TSHZ1: variants seen among roughly 807,000 people sequenced by gnomAD.
TSHZ1 encodes the protein teashirt zinc finger homeobox 1.
A neutral mutation model predicts 67.1 loss-of-function variants in TSHZ1; 12 were observed. That is an observed-to-expected ratio of 0.18 (90% confidence interval 0.11 to 0.29). The LOEUF (loss-of-function observed/expected upper bound fraction) is 0.29, where lower values mean the gene tolerates loss of function less well. TSHZ1 is among the 10% of genes least tolerant of loss of function. TSHZ1 has a pLI of 1.00. For missense variants in TSHZ1, 1,305 were observed against 1,413.9 expected (o/e 0.92, Z 1.23); for synonymous variants, 632 against 622.4 (o/e 1.02, Z -0.23).
intron 1 of TSHZ1, among the ~76,000 whole-genome samples, chr18:75,255,396 T>C (rs1047330806): frequency 1.3e-4 from 20 of 152,184 alleles, no homozygotes; most frequent in South Asian, 4.1e-4. Context: ...TTTATCTCAA[T>C]AGGAAACAAA....
At chr18:75,250,933 A>G (rs1599040592) in intron 1 of TSHZ1, among the ~76,000 whole-genome samples, 1 of 152,162 alleles carries the variant, frequency 6.6e-6, no homozygotes, top group African/African-American at 2.4e-5. Context: ...TGTGCCCTCA[A>G]GATGTACCAG....
At chr18:75,226,530 A>G (rs1252516183) in intron 1 of TSHZ1, among the ~76,000 whole-genome samples, 1 of 151,684 alleles carries the variant, frequency 6.6e-6, no homozygotes, top group East Asian at 1.9e-4. Flanking sequence ...TACTGAGTTA[A>G]TTTATGTTAA....
chr18:75,241,990 C>G (rs1391448472), intron 1 of TSHZ1, among the ~76,000 whole-genome samples: 4 of 149,798 alleles, frequency 2.7e-5, no homozygotes, highest in East Asian at 2.0e-4. Context: ...TGCAAACACC[C>G]TATTTCCAAA....
At chr18:75,264,071 A>G (rs1259190566) in intron 1 of TSHZ1, among the ~76,000 whole-genome samples, 2 of 152,200 alleles carry the variant, frequency 1.3e-5, no homozygotes, top group Non-Finnish European at 1.5e-5. Flanking sequence ...TCTCTTTGCT[A>G]TAAATGCAGC....
At chr18:75,272,982 C>T (rs8085298) in intron 1 of TSHZ1, among the ~76,000 whole-genome samples, 21,986 of 152,158 alleles carry the variant, frequency 0.14, 1,967 homozygotes, top group Middle Eastern at 0.19. Flanking sequence ...ATGAAGGGGA[C>T]ACACCTTCTG....
At chr18:75,239,460 C>CTT (rs151115254) in intron 1 of TSHZ1, among the ~76,000 whole-genome samples, 5,953 of 152,154 alleles carry the variant, frequency 0.039, 171 homozygotes, top group African/African-American at 0.082. Flanking sequence ...TGAAAACATC[C>CTT]ACCCTCTTGA....
chr18:75,218,812 T>C lies in TSHZ1; in HGVS notation c.40+6896T>C, dbSNP rs1179577574. Among the ~76,000 whole-genome samples the C allele has an allele frequency of 2.6e-5, 4 of 152,368 alleles. No homozygotes were observed. In the East Asian group the frequency reaches 7.7e-4, roughly 29 times the overall value. The stretch of plus-strand genomic sequence containing the variant: ...AACAGCAAGTGTTTTATTGGAACTT[T>C]CTTAGGGATGAGGCGGAGCCTCCCA... On this transcript the variant is annotated intron_variant, in intron 1 of 1. Coordinates refer to ENST00000580243, the MANE Select transcript of TSHZ1 (RefSeq NM_001308210.2).
rs1484204945 is a variant in TSHZ1, at chr18:75,286,909, A to G, written c.1502A>G (p.Glu501Gly). ...AGSTTSEEKK[E>G]PEKEKPPVAG... is the part of the protein sequence containing the mutation. ...TCCACGACTTCTGAAGAAAAGAAAG[A>G]GCCAGAGAAGGAGAAGCCGCCTGTG... Residue 501 changes from glutamate (E) to glycine (G), a missense_variant, in exon 2 of 2, where the codon GAG becomes GGG. Glu to Gly is a moderately conservative substitution (Grantham distance 98). Coordinates refer to ENST00000580243, the MANE Select transcript of TSHZ1 (RefSeq NM_001308210.2). The surrounding 1 kb of genome is among the most constrained non-coding windows in gnomAD (Gnocchi z 5.1). 1.9e-6 allele frequency: 3 copies of G among 1,614,176 alleles called. No individual in the cohort carries two copies. The highest frequency in any genetic ancestry group is 2.5e-6 in the Non-Finnish European group (3 of 1,180,026).
In TSHZ1 at chr18:75,250,080, C is replaced by T. The variant is rs1270409268; in HGVS notation, c.41-35368C>T. Among the ~76,000 whole-genome samples the T allele has an allele frequency of 2.0e-5, 3 of 151,170 alleles. No individual in the cohort carries two copies. In the East Asian group the frequency reaches 5.8e-4, roughly 29 times the overall value. On this transcript the variant is annotated intron_variant, in intron 1 of 1. Coordinates refer to ENST00000580243, the MANE Select transcript of TSHZ1 (RefSeq NM_001308210.2). Reference sequence around the variant, plus strand: ...GGGGGGTGGGGGTGACTTCCTCCTTCTTGCCTCATCCCTGCAGTTGGTGGG... The same window carrying T: ...GGGGGGTGGGGGTGACTTCCTCCTTTTTGCCTCATCCCTGCAGTTGGTGGG...
intron 1 of TSHZ1, among the ~76,000 whole-genome samples, chr18:75,270,801 T>G (rs2023547308): frequency 6.6e-6 from 1 of 152,026 alleles, no homozygotes; most frequent in Non-Finnish European, 1.5e-5. Context: ...TGGTGTAGTT[T>G]AGATTTTTTT....
chr18:75,242,419 A>C (rs2023168256), intron 1 of TSHZ1, among the ~76,000 whole-genome samples: 1 of 152,232 alleles, frequency 6.6e-6, no homozygotes, highest in South Asian at 2.1e-4. Flanking sequence ...AGGGTGGCAC[A>C]AAAGAAAGGT....
chr18:75,259,106 A>G (rs1276309353), intron 1 of TSHZ1, among the ~76,000 whole-genome samples: 1 of 152,040 alleles, frequency 6.6e-6, no homozygotes, highest in Non-Finnish European at 1.5e-5. Context: ...GTCTATGAAA[A>G]CGTATGAATG....
In TSHZ1 at chr18:75,211,872, G is replaced by A. The variant is rs1599364995; in HGVS notation, c.-5G>A. 2.5e-6 allele frequency: 3 copies of A among 1,186,274 alleles called. No homozygotes were observed. The highest frequency in any genetic ancestry group is 3.6e-5 in the East Asian group (1 of 27,644). 73.5% of individuals were successfully genotyped at this position (1,186,274 alleles called of 1,614,324 possible). A position where few individuals can be genotyped will look rare whatever the true frequency, so the allele number is the denominator to read the frequency against. On this transcript the variant is annotated 5_prime_UTR_variant, in exon 1 of 2. Transcript: ENST00000580243. ...CTGAGGCGACGGCTGCGGCGGCCGA[G>A]CAGCATGCCGAGGAGGAAGCAGCAG... is the stretch of plus-strand genomic sequence containing the variant.
intron 1 of TSHZ1, among the ~76,000 whole-genome samples, chr18:75,255,331 T>G (rs1599042681): frequency 6.6e-6 from 1 of 152,192 alleles, no homozygotes; most frequent in Non-Finnish European, 1.5e-5. Context: ...CTTCCATGCC[T>G]GGTAGAGCTG....
In TSHZ1 at chr18:75,289,230, C is replaced by T. The variant is rs1374738172; in HGVS notation, c.*589C>T. On this transcript the variant is annotated 3_prime_UTR_variant, in exon 2 of 2. Coordinates refer to ENST00000580243, the MANE Select transcript of TSHZ1 (RefSeq NM_001308210.2). ...CAGCTGTGGGAAGATAGAAAGCTGT[C>T]TAGGACTCACGGGGTTCGGAAGCCA... The T allele has an allele frequency of 6.0e-6, 1 of 166,956 alleles. No homozygotes were observed. Among genetic ancestry groups the T allele is most frequent in the African/African-American group, 2.4e-5 (1 of 41,402 alleles). 10.3% of individuals were successfully genotyped at this position (166,956 alleles called of 1,614,324 possible). A position where few individuals can be genotyped will look rare whatever the true frequency, so the allele number is the denominator to read the frequency against.
At chr18:75,248,219 A>G (rs572412973) in intron 1 of TSHZ1, among the ~76,000 whole-genome samples, 5 of 152,358 alleles carry the variant, frequency 3.3e-5, no homozygotes, top group African/African-American at 1.2e-4. Flanking sequence ...CTCTGTCATA[A>G]TATCAGTGGC....
At chr18:75,272,919 C>T (rs2023575071) in intron 1 of TSHZ1, among the ~76,000 whole-genome samples, 1 of 152,136 alleles carries the variant, frequency 6.6e-6, no homozygotes, top group South Asian at 2.1e-4. Context: ...GCTAATATCC[C>T]AATGATTCCA....
intron 1 of TSHZ1, among the ~76,000 whole-genome samples, chr18:75,280,342 A>G (rs144998958): frequency 3.2e-4 from 49 of 152,386 alleles, no homozygotes; most frequent in African/African-American, 1.0e-3. Context: ...AAGAGCATCA[A>G]TGTTTTAACA....
chr18:75,259,055 G>C (rs537935182), intron 1 of TSHZ1, among the ~76,000 whole-genome samples: 3 of 152,116 alleles, frequency 2.0e-5, no homozygotes, highest in African/African-American at 7.2e-5. Flanking sequence ...AATAGGAGCC[G>C]CCTGTTTCTG....
Sources: allele counts gnomAD v4.1 joint callset (sites outside exome capture counted in the v4.1 genomes callset), GRCh38; gene constraint gnomAD v4.1.1; non-coding constraint Gnocchi (gnomAD v3.1); transcripts MANE v1.5; gene names NCBI Gene and HGNC (gene_info 2026-07-23, HGNC 2026-07-21).